DAB2IP: variants seen among roughly 807,000 people sequenced by gnomAD.
DAB2IP encodes disabled homolog 2-interacting protein.
Under a neutral mutation model 107.2 loss-of-function variants are expected in DAB2IP, and 28 were observed. The ratio of observed to expected loss-of-function variants is 0.26; its 90% confidence interval spans 0.19 to 0.36. The LOEUF (loss-of-function observed/expected upper bound fraction) is 0.36, where lower values mean the gene tolerates loss of function less well. Among genes scored for constraint, DAB2IP ranks in the 10% least tolerant of loss-of-function variants. The pLI, the probability that DAB2IP is intolerant of heterozygous loss-of-function variation, is 1.00. For missense variants in DAB2IP, 1,400 were observed against 1,644.7 expected (o/e 0.85, Z 2.57); for synonymous variants, 755 against 706.4 (o/e 1.07, Z -1.09).
intron 1 of DAB2IP, among the ~76,000 whole-genome samples, chr9:121,637,686 C>A (rs1832137750): frequency 6.6e-6 from 1 of 152,176 alleles, no homozygotes; most frequent in African/African-American, 2.4e-5. Flanking sequence ...TTGCCTGCCC[C>A]CGAATTGCAG....
chr9:121,768,510 G>C, exon 10 of DAB2IP: 1 of 1,614,210 alleles, frequency 6.2e-7, no homozygotes, highest in Non-Finnish European at 8.5e-7. Flanking sequence ...AGCGCTTCCT[G>C]CTGGAGATCT....
chr9:121,678,491 A>G (rs72770687), intron 1 of DAB2IP, among the ~76,000 whole-genome samples, 187 bp from the exon 2 acceptor site: 5,045 of 152,278 alleles, frequency 0.033, 143 homozygotes, highest in South Asian at 0.085. Context: ...CAGGAGTGGA[A>G]TTGCTGGGTC....
Position 121,782,910 on chromosome 9 carries a change from C to T in DAB2IP, c.*412C>T. ...GGATTCAAGGGCTAGGGGCCTACAC[C>T]TGTGGCTTCCCCTCGCCTCCTTGGG... On this transcript the variant is annotated 3_prime_UTR_variant, in exon 16 of 16. Transcript: ENST00000408936. The surrounding 1 kb of genome is among the most constrained non-coding windows in gnomAD (Gnocchi z 6.1). The T allele has an allele frequency of 9.7e-7, 1 of 1,031,662 alleles. No individual in the cohort carries two copies. 63.9% of individuals were successfully genotyped at this position (1,031,662 alleles called of 1,614,324 possible).
chr9:121,692,818 G>A (rs1198996845), intron 2 of DAB2IP, among the ~76,000 whole-genome samples: 1 of 152,236 alleles, frequency 6.6e-6, no homozygotes, highest in East Asian at 1.9e-4. Context: ...TACCCTTGAG[G>A]GGAGGAGGCC....
intron 1 of DAB2IP, among the ~76,000 whole-genome samples, chr9:121,594,241 T>TTA (rs1163610070): frequency 6.6e-6 from 1 of 151,490 alleles, no homozygotes; most frequent in Non-Finnish European, 1.5e-5. Context: ...CAGCATTTTT[T>TTA]TTTTTTTTTT....
chr9:121,743,931 C>A (rs530871350), intron 3 of DAB2IP, among the ~76,000 whole-genome samples: 1 of 152,242 alleles, frequency 6.6e-6, no homozygotes, highest in East Asian at 1.9e-4. Context: ...TTAGGAGGGA[C>A]CTGTGAAAAA....
chr9:121,702,003 G>A lies in DAB2IP; in HGVS notation c.362+2545G>A, dbSNP rs1026407206. Among the ~76,000 whole-genome samples, 1 of 152,236 alleles carries A rather than the reference G, an allele frequency of 6.6e-6. No homozygotes were observed. Among genetic ancestry groups the A allele is most frequent in the Non-Finnish European group, 1.5e-5 (1 of 68,040 alleles). ...CAGTGAGTGGGTGGGACACGAGTGG[G>A]AAGGACGGTGGGGGCTTCTAGGGTG... On this transcript the variant is annotated intron_variant, in intron 3 of 15. Coordinates refer to ENST00000408936, the Ensembl canonical transcript of DAB2IP. The surrounding 1 kb of genome is among the most constrained non-coding windows in gnomAD (Gnocchi z 4.5).
At chr9:121,585,159 C>T (rs1830285101) in intron 1 of DAB2IP, among the ~76,000 whole-genome samples, 1 of 152,144 alleles carries the variant, frequency 6.6e-6, no homozygotes, top group African/African-American at 2.4e-5. Context: ...AATCAATGAC[C>T]TCTTGAGACT....
chr9:121,633,918 T>C lies in DAB2IP; in HGVS notation c.41-44760T>C, dbSNP rs1831985340. On this transcript the variant is annotated intron_variant, in intron 1 of 16. Coordinates refer to the DAB2IP transcript ENST00000259371. The surrounding 1 kb of genome is among the most constrained non-coding windows in gnomAD (Gnocchi z 5.1). ...GCCTCTTGGAGTCCTATTCAAAGGCTTGGCCCAGATGCCACCTCCTCTGTG... is the reference window on the plus strand; with the variant it reads ...GCCTCTTGGAGTCCTATTCAAAGGCCTGGCCCAGATGCCACCTCCTCTGTG... 6.6e-6 allele frequency among the ~76,000 whole-genome samples: 1 copy of C among 152,234 alleles called. No individual in the cohort carries two copies. The highest frequency in any genetic ancestry group is 1.5e-5 in the Non-Finnish European group (1 of 68,028).
intron 2 of DAB2IP, among the ~76,000 whole-genome samples, chr9:121,691,861 T>A (rs896852334): frequency 6.6e-6 from 1 of 152,332 alleles, no homozygotes. Flanking sequence ...GCTGTACTGA[T>A]GGGCAGGAGA....
At chr9:121,719,711 A>T (rs949211528) in intron 3 of DAB2IP, among the ~76,000 whole-genome samples, 1 of 152,212 alleles carries the variant, frequency 6.6e-6, no homozygotes, top group African/African-American at 2.4e-5. Flanking sequence ...TAGTGCTTAC[A>T]GTGACCTGAG....
chr9:121,696,283 GT>G (rs1013988414), intron 2 of DAB2IP, among the ~76,000 whole-genome samples: 3 of 152,208 alleles, frequency 2.0e-5, no homozygotes, highest in Admixed American at 1.3e-4. Flanking sequence ...GTGGAGCTGG[GT>G]TTGACTTGGT....
At chr9:121,642,659 C>T (rs930741554) in intron 1 of DAB2IP, among the ~76,000 whole-genome samples, 11 of 151,438 alleles carry the variant, frequency 7.3e-5, no homozygotes, top group African/African-American at 2.7e-4. Flanking sequence ...GAGCCCAGCT[C>T]CCTTCATGCA....
At chr9:121,726,750 A>G (rs754156066) in intron 3 of DAB2IP, among the ~76,000 whole-genome samples, 26 of 152,260 alleles carry the variant, frequency 1.7e-4, no homozygotes, top group Middle Eastern at 3.4e-3. Context: ...GAGAGTATAA[A>G]AGGAAAGGGG....
At chr9:121,658,022 A>G (rs967995783) in intron 1 of DAB2IP, among the ~76,000 whole-genome samples, 1 of 152,102 alleles carries the variant, frequency 6.6e-6, no homozygotes, top group Non-Finnish European at 1.5e-5. Context: ...GTGTTGGTGT[A>G]GTTTGTTGCT....
chr9:121,655,625 CG>C (rs1280803410), intron 1 of DAB2IP, among the ~76,000 whole-genome samples: 1 of 152,120 alleles, frequency 6.6e-6, no homozygotes, highest in Admixed American at 6.5e-5. Context: ...AGCTCAGCCG[CG>C]GACTGGTTGC....
At chr9:121,773,631 A>T in intron 12 of DAB2IP, 136 bp downstream of exon 12, 2 of 1,128,684 alleles carry the variant, frequency 1.8e-6, no homozygotes, top group Non-Finnish European at 2.3e-6. Flanking sequence ...CCAGCCTGCC[A>T]CATGCGCCAC....
Position 121,736,145 on chromosome 9 carries a change from G to C in DAB2IP, c.363-20868G>C, listed in dbSNP as rs1292667692. ...TCATGGTAGACAAACCCCTGGCCTT[G>C]TCTGGACCTCAGTTGTGTTCACTTG... is the stretch of plus-strand genomic sequence containing the variant. On this transcript the variant is annotated intron_variant, in intron 3 of 15. Coordinates refer to ENST00000408936, the Ensembl canonical transcript of DAB2IP. The surrounding 1 kb of genome is among the most constrained non-coding windows in gnomAD (Gnocchi z 4.6). 6.6e-6 allele frequency among the ~76,000 whole-genome samples: 1 copy of C among 152,248 alleles called. No homozygotes were observed. Among genetic ancestry groups the C allele is most frequent in the East Asian group, 1.9e-4 (1 of 5,192 alleles).
intron 1 of DAB2IP, among the ~76,000 whole-genome samples, chr9:121,626,424 C>CTT (rs59085032): frequency 1.7e-5 from 2 of 114,522 alleles, no homozygotes; most frequent in South Asian, 3.0e-4. Context: ...GACGAGAAAC[C>CTT]TTTTTTTTTT....
Sources: allele counts gnomAD v4.1 joint callset (sites outside exome capture counted in the v4.1 genomes callset), GRCh38; gene constraint gnomAD v4.1.1; non-coding constraint Gnocchi (gnomAD v3.1); transcripts MANE v1.5; gene names NCBI Gene and HGNC (gene_info 2026-07-23, HGNC 2026-07-21).